ZNF385D: variants seen among roughly 807,000 people sequenced by gnomAD.
The protein encoded by ZNF385D is zinc finger protein 659.
In ZNF385D, 15 loss-of-function variants were observed where a neutral mutation model predicts 35.8. The observed-to-expected ratio is 0.42, with a 90% CI of 0.28 to 0.64. The LOEUF (loss-of-function observed/expected upper bound fraction) is 0.64, where lower values mean the gene tolerates loss of function less well. ZNF385D is among the 30% of genes least tolerant of loss of function. The pLI is 0.23. For missense variants in ZNF385D, 474 were observed against 494.6 expected (o/e 0.96, Z 0.39); for synonymous variants, 212 against 186.8 (o/e 1.13, Z -1.10).
chr3:21,766,454 A>T (rs2070834163), intron 3 of ZNF385D, among the ~76,000 whole-genome samples: 1 of 152,152 alleles, frequency 6.6e-6, no homozygotes, highest in Non-Finnish European at 1.5e-5. Flanking sequence ...CGGTCAGAAC[A>T]CATTTTAAGG....
chr3:21,906,482 T>C (rs1038212220), intron 3 of ZNF385D, among the ~76,000 whole-genome samples: 1 of 152,190 alleles, frequency 6.6e-6, no homozygotes, highest in South Asian at 2.1e-4. Context: ...CACAGTTCTA[T>C]GTCCTGAAAG....
At chr3:21,864,875 A>C (rs1027658710) in intron 3 of ZNF385D, among the ~76,000 whole-genome samples, 1 of 151,938 alleles carries the variant, frequency 6.6e-6, no homozygotes, top group Non-Finnish European at 1.5e-5. Context: ...TCAAGTAAAT[A>C]CAAGTGGTGT....
chr3:22,203,542 G>T (rs1696947297), intron 2 of ZNF385D, among the ~76,000 whole-genome samples: 1 of 152,094 alleles, frequency 6.6e-6, no homozygotes, highest in African/African-American at 2.4e-5. Flanking sequence ...AGAGTATCGA[G>T]GAGGCTCTTG....
At chr3:22,369,826 G>T (rs896513717) in intron 2 of ZNF385D, among the ~76,000 whole-genome samples, 2 of 152,072 alleles carry the variant, frequency 1.3e-5, no homozygotes, top group Admixed American at 6.5e-5. Context: ...TTTATAGACA[G>T]TACTAACATT....
At chr3:21,822,313 T>C (rs1029309498) in intron 3 of ZNF385D, among the ~76,000 whole-genome samples, 2 of 151,996 alleles carry the variant, frequency 1.3e-5, no homozygotes, top group Non-Finnish European at 2.9e-5. Context: ...ACCTTGTGAT[T>C]CACCCGCCTC....
intron 3 of ZNF385D, among the ~76,000 whole-genome samples, chr3:21,560,407 C>A (rs543021694): frequency 6.6e-6 from 1 of 152,164 alleles, no homozygotes; most frequent in Admixed American, 6.6e-5. Flanking sequence ...TTCTAATAGG[C>A]CCCTCTGCTG....
intron 3 of ZNF385D, among the ~76,000 whole-genome samples, chr3:21,867,797 A>T (rs1697454057): frequency 6.6e-6 from 1 of 151,994 alleles, no homozygotes; most frequent in African/African-American, 2.4e-5. Flanking sequence ...ACCTTAAGCC[A>T]GAGCTGTCCA....
Position 21,646,063 on chromosome 3 carries a change from T to G in ZNF385D, c.165+18823A>C, listed in dbSNP as rs565740693. 6.6e-6 allele frequency among the ~76,000 whole-genome samples: 1 copy of G among 152,248 alleles called. No homozygotes were observed. Among genetic ancestry groups the G allele is most frequent in the South Asian group, 2.1e-4 (1 of 4,822 alleles). On this transcript the variant is annotated intron_variant, in intron 2 of 7. Coordinates refer to ENST00000281523, the MANE Select transcript of ZNF385D (RefSeq NM_024697.3). This position sits in a 1 kb window ranked among gnomAD's most constrained non-coding sequence, Gnocchi z 4.3. ...CATTTACAGGGAATGAGAAAATACC[T>G]AAAAAGAATGTGGAGGCTGAGGCCA...
At chr3:21,422,101 C>T (rs1245836143) in intron 7 of ZNF385D, among the ~76,000 whole-genome samples, 1 of 152,186 alleles carries the variant, frequency 6.6e-6, no homozygotes, top group African/African-American at 2.4e-5. Flanking sequence ...AATACCTGTT[C>T]TCACTGAGAG....
intron 3 of ZNF385D, among the ~76,000 whole-genome samples, chr3:21,914,381 C>CTTTTTTTTTTTTTTTGG (rs1700097935): frequency 7.2e-6 from 1 of 138,734 alleles, no homozygotes; most frequent in Non-Finnish European, 1.6e-5. Context: ...TTTTGTTTGA[C>CTTTTTTTTTTTTTTTGG]TTTTTTTTTT....
intron 3 of ZNF385D, among the ~76,000 whole-genome samples, chr3:22,044,706 G>T (rs970619280): frequency 6.6e-6 from 1 of 152,090 alleles, no homozygotes; most frequent in Non-Finnish European, 1.5e-5. Context: ...GCTCTATTGG[G>T]AAGGAAGGTG....
Position 21,946,674 on chromosome 3 carries a change from C to T in ZNF385D, c.325+222143G>A, listed in dbSNP as rs775494452. Among the ~76,000 whole-genome samples, 3 of 151,866 alleles carry T rather than the reference C, an allele frequency of 2.0e-5. No homozygotes were observed. The East Asian group carries it at 5.8e-4, about 29-fold the overall frequency. On this transcript the variant is annotated intron_variant, in intron 3 of 5. Coordinates refer to the ZNF385D transcript ENST00000494108. The stretch of plus-strand genomic sequence containing the variant: ...AGGTGAAACTCCGTCTCTATTAAAA[C>T]TACAAATATTAGCCAGGTGTGGTAG...
At chr3:21,916,606 A>G (rs1231643190) in intron 3 of ZNF385D, among the ~76,000 whole-genome samples, 1 of 152,224 alleles carries the variant, frequency 6.6e-6, no homozygotes, top group Non-Finnish European at 1.5e-5. Flanking sequence ...ATAGCCTATA[A>G]GCGAAGTGCT....
intron 4 of ZNF385D, among the ~76,000 whole-genome samples, chr3:21,504,730 C>T (rs964086579): frequency 6.6e-6 from 1 of 152,026 alleles, no homozygotes; most frequent in Non-Finnish European, 1.5e-5. Context: ...CAAGAAACAA[C>T]AATGGAAAAA....
At position 21,418,360 on chromosome 3, in the gene ZNF385D, T is replaced by C. The variant is rs1245289403; in HGVS notation, c.*2854A>G. On this transcript the variant is annotated 3_prime_UTR_variant, in exon 8 of 8. Transcript: ENST00000281523. ...TGGCAGCCTGAACTATAATGGATGTTAATCTGGTATTGGTAAATATATGGA... is the reference window on the plus strand; with the variant it reads ...TGGCAGCCTGAACTATAATGGATGTCAATCTGGTATTGGTAAATATATGGA... 6.6e-6 allele frequency: 1 copy of C among 152,174 alleles called. No individual in the cohort carries two copies. The highest frequency in any genetic ancestry group is 2.4e-5 in the African/African-American group (1 of 41,446). 9.4% of individuals were successfully genotyped at this position (152,174 alleles called of 1,614,324 possible).
rs572772617 is a variant in ZNF385D, at chr3:22,292,610, C to T, written c.106+79840G>A. Among the ~76,000 whole-genome samples, 4 of 152,124 alleles carry T rather than the reference C, an allele frequency of 2.6e-5. No homozygotes were observed. In the East Asian group the frequency reaches 7.7e-4, roughly 29 times the overall value. ...TTGGAATTTCATGTTGGTTCTTTCA[C>T]ACGGCTAATTTAAAGATCTACAGAC... is the stretch of plus-strand genomic sequence containing the variant. On this transcript the variant is annotated intron_variant, in intron 2 of 5. Coordinates refer to the ZNF385D transcript ENST00000494108.
intron 1 of ZNF385D, among the ~76,000 whole-genome samples, chr3:21,691,454 G>A (rs1575470201): frequency 2.0e-5 from 3 of 151,932 alleles, no homozygotes; most frequent in South Asian, 2.1e-4. Context: ...CAAATCACCC[G>A]TCAGACACTC....
intron 3 of ZNF385D, among the ~76,000 whole-genome samples, chr3:21,799,513 TAAG>T (rs1347104659): frequency 6.6e-6 from 1 of 152,188 alleles, no homozygotes; most frequent in Non-Finnish European, 1.5e-5. Flanking sequence ...CTATTGGTAT[TAAG>T]TATATTTTCA....
chr3:21,440,828 G>A (rs1244932838), intron 4 of ZNF385D, among the ~76,000 whole-genome samples: 2 of 152,152 alleles, frequency 1.3e-5, no homozygotes, highest in Admixed American at 1.3e-4. Flanking sequence ...TAATCAGAAA[G>A]AAGCTTAATG....
Sources: allele counts gnomAD v4.1 joint callset (sites outside exome capture counted in the v4.1 genomes callset), GRCh38; gene constraint gnomAD v4.1.1; non-coding constraint Gnocchi (gnomAD v3.1); transcripts MANE v1.5; gene names NCBI Gene and HGNC (gene_info 2026-07-23, HGNC 2026-07-21).